The following MREG variants were observed in gnomAD, a reference collection of about 807,000 sequenced individuals.
MREG encodes the protein dilute suppressor protein homolog.
MREG carries 31 observed loss-of-function variants against 28.5 expected under a neutral mutation model. That is an observed-to-expected ratio of 1.09 (90% confidence interval 0.82 to 1.47). MREG has a LOEUF of 1.47. Ranked by LOEUF, MREG falls within the 40% of genes most tolerant of loss-of-function variation. The pLI is 0.00. For synonymous variants in MREG, 106 were observed against 95.2 expected (o/e 1.11, Z -0.66); for missense variants, 256 against 257.4 (o/e 0.99, Z 0.04).
downstream of MREG, among the ~76,000 whole-genome samples, chr2:215,940,944 T>A (rs1692190170): frequency 6.6e-6 from 1 of 152,134 alleles, no homozygotes; most frequent in Admixed American, 6.5e-5. Flanking sequence ...AAGAAAACAT[T>A]TGACAGATCA....
upstream of MREG, among the ~76,000 whole-genome samples, chr2:216,018,141 C>T (rs953654474): frequency 5.9e-5 from 9 of 151,918 alleles, no homozygotes; most frequent in African/African-American, 1.7e-4. Flanking sequence ...CCAGTCTGGG[C>T]GACAGAACGA....
At chr2:215,968,023 G>A (rs1354590240) in intron 2 of MREG, among the ~76,000 whole-genome samples, 1 of 152,162 alleles carries the variant, frequency 6.6e-6, no homozygotes, top group Non-Finnish European at 1.5e-5. Flanking sequence ...AATATTTAAT[G>A]TTTTGGGGGT....
chr2:215,993,889 C>T (rs1208752690), intron 2 of MREG, among the ~76,000 whole-genome samples: 11 of 152,182 alleles, frequency 7.2e-5, no homozygotes, highest in Non-Finnish European at 1.0e-4. Context: ...GTTAGAATGG[C>T]GATCACTAAA....
At chr2:215,970,877 C>T (rs1209449327) in intron 2 of MREG, among the ~76,000 whole-genome samples, 5 of 152,128 alleles carry the variant, frequency 3.3e-5, no homozygotes, top group African/African-American at 7.2e-5. Flanking sequence ...GACTTGGAAC[C>T]AGCCCAAATG....
At chr2:216,026,988 C>A (rs1053707076) in intron 1 of MREG, among the ~76,000 whole-genome samples, 1 of 152,154 alleles carries the variant, frequency 6.6e-6, no homozygotes, top group African/African-American at 2.4e-5. Flanking sequence ...TAACTTCTGT[C>A]TACATGTAAA....
intron 1 of MREG, among the ~76,000 whole-genome samples, chr2:216,009,620 G>A (rs1343783653): frequency 1.3e-5 from 2 of 152,054 alleles, no homozygotes; most frequent in Non-Finnish European, 2.9e-5. Flanking sequence ...ACATGCTCAG[G>A]AGAATCACAT....
intron 1 of MREG, among the ~76,000 whole-genome samples, chr2:216,002,610 C>T (rs1205075276): frequency 2.6e-5 from 4 of 152,228 alleles, no homozygotes; most frequent in African/African-American, 9.6e-5. Context: ...CCTTGACACT[C>T]ACAGACTTTT....
intron 2 of MREG, among the ~76,000 whole-genome samples, chr2:215,970,542 C>T (rs1397368157): frequency 6.6e-6 from 1 of 152,218 alleles, no homozygotes. Context: ...AGGACTGTGA[C>T]TCAAGCCTCT....
At chr2:216,004,651 G>A (rs1694105082) in intron 1 of MREG, among the ~76,000 whole-genome samples, 1 of 152,140 alleles carries the variant, frequency 6.6e-6, no homozygotes, top group Non-Finnish European at 1.5e-5. Context: ...AAGTTCACAG[G>A]GCTCTAAACT....
At chr2:215,968,081 G>A (rs559144796) in intron 2 of MREG, among the ~76,000 whole-genome samples, 1 of 152,244 alleles carries the variant, frequency 6.6e-6, no homozygotes, top group Non-Finnish European at 1.5e-5. Flanking sequence ...TAAATATGAG[G>A]ACTTTTTGAA....
rs201951178 is a variant in MREG, at chr2:215,945,000, G to A, written c.511-3C>T. 2.6e-4 allele frequency: 400 copies of A among 1,566,128 alleles called. No individual in the cohort carries two copies. The highest frequency in any genetic ancestry group is 3.4e-4 in the Non-Finnish European group (389 of 1,144,112). ...GCATCAAGTGCAATGAGACGGTCCT[G>A]CAAAAACAAACAACAAACCAAAAAA... is the stretch of plus-strand genomic sequence containing the variant. On this transcript the variant is annotated splice_polypyrimidine_tract_variant and splice_region_variant and intron_variant, in intron 4 of 4. Coordinates refer to ENST00000263268, the MANE Select transcript of MREG (RefSeq NM_018000.3).
At chr2:215,959,862 C>A (rs1692730817) in intron 2 of MREG, among the ~76,000 whole-genome samples, 1 of 152,252 alleles carries the variant, frequency 6.6e-6, no homozygotes, top group African/African-American at 2.4e-5. Context: ...TCTGAGAAGT[C>A]TGCTGTTCTT....
At position 215,945,643 on chromosome 2, in the gene MREG, C is replaced by A. The variant is rs1692299707; in HGVS notation, c.438G>T (p.Leu146Phe). The A allele has an allele frequency of 6.2e-7, 1 of 1,613,972 alleles. No homozygotes were observed. Residue 146 changes from leucine to phenylalanine, a missense_variant, in exon 4 of 5, where the codon TTG becomes TTT. Coordinates refer to ENST00000263268, the MANE Select transcript of MREG (RefSeq NM_018000.3). The stretch of plus-strand genomic sequence containing the variant: ...TATTGGTTTCTTCAGCCAGTTTTAA[C>A]AACATCTCTCGAGCTTTCCTTGTGT... Reference protein sequence around the residue: ...SKNTRKAREMLLKLAEETNIF... With the variant: ...SKNTRKAREMFLKLAEETNIF...
Position 215,945,709 on chromosome 2 carries a change from C to T in MREG, c.372G>A (p.Leu124=), listed in dbSNP as rs779565613. 1 of 1,613,524 alleles carries T rather than the reference C, an allele frequency of 6.2e-7. No homozygotes were observed. The highest frequency in any genetic ancestry group is 1.1e-5 in the South Asian group (1 of 91,010). Residue 124 remains leucine, a synonymous_variant, in exon 4 of 5, where the codon TTG becomes TTA. Coordinates refer to ENST00000263268, the MANE Select transcript of MREG (RefSeq NM_018000.3). ...DLGFQKEADS[L]LSVTKLSTIS... The stretch of plus-strand genomic sequence containing the variant: ...TGGTGCTGAGTTTAGTCACTGACAA[C>T]AAAGAGTCAGCTTCCTTTTGAAAAC...
At position 215,958,269 on chromosome 2, in the gene MREG, AAAATAAATAAAT is replaced by A. The variant is rs536690921; in HGVS notation, c.256-11168_256-11157del. On this transcript the variant is annotated intron_variant, in intron 2 of 4. Transcript: ENST00000263268. ...CTTAAAGTATAATAATAATAAAATA[AAAATAAATAAAT>A]AAATAAATAAATAAATAAAATAAAA... is the stretch of plus-strand genomic sequence containing the variant. 1.3e-4 allele frequency among the ~76,000 whole-genome samples: 19 copies of A among 150,306 alleles called. 1 individual carries two copies. In the East Asian group the frequency reaches 2.7e-3, roughly 21 times the overall value.
chr2:215,996,140 C>A (rs994739316), intron 2 of MREG, among the ~76,000 whole-genome samples, 166 bp downstream of exon 2: 1 of 152,234 alleles, frequency 6.6e-6, no homozygotes, highest in Non-Finnish European at 1.5e-5. Flanking sequence ...TCAAGACTAG[C>A]TATAATTAGC....
rs1692277060 is a variant in MREG, at chr2:215,944,733, T to C, written c.*130A>G. The C allele has an allele frequency of 1.6e-5, 15 of 955,392 alleles. No individual in the cohort carries two copies. The highest frequency in any genetic ancestry group is 2.7e-5 in the South Asian group (1 of 36,394). The allele number at this position is 955,392 out of a possible 1,614,324, so 59.2% of individuals were successfully genotyped here. A position where few individuals can be genotyped will look rare whatever the true frequency, so the allele number is the denominator to read the frequency against. ...CCTCAGATTAAAGACTTTACATTTA[T>C]GTAGAATTCAGTATCATTTTTCACT... is the stretch of plus-strand genomic sequence containing the variant. On this transcript the variant is annotated 3_prime_UTR_variant, in exon 5 of 5. Coordinates refer to ENST00000263268, the MANE Select transcript of MREG (RefSeq NM_018000.3).
chr2:215,974,672 T>A (rs534613055), intron 2 of MREG, among the ~76,000 whole-genome samples: 1 of 152,208 alleles, frequency 6.6e-6, no homozygotes, highest in South Asian at 2.1e-4. Flanking sequence ...GGAAGACAGC[T>A]GCAAAGAAAG....
At chr2:216,033,266 C>A (rs984911424), upstream of MREG, among the ~76,000 whole-genome samples, 6 of 152,036 alleles carry the variant, frequency 3.9e-5, no homozygotes, top group African/African-American at 1.4e-4. Flanking sequence ...AAAGTAAATC[C>A]TAGAAATCAA....
Sources: gnomAD v4.1 joint callset for allele counts (sites outside exome capture counted in the v4.1 genomes callset) on GRCh38, gnomAD v4.1.1 for gene constraint, MANE v1.5 for transcripts, NCBI Gene and HGNC (gene_info 2026-07-23, HGNC 2026-07-21) for gene names.